Variants in AADACL4 observed in about 807,000 individuals in gnomAD.
AADACL4 encodes the protein arylacetamide deacetylase-like 4.
AADACL4 carries 9 observed loss-of-function variants against 14.1 expected under a neutral mutation model. That is an observed-to-expected ratio of 0.64 (90% CI 0.39 to 1.12). The LOEUF is 1.12. AADACL4 is among the 50% of genes most tolerant of loss of function. AADACL4 has a pLI of 0.01. For missense variants in AADACL4, 531 were observed against 516.1 expected (o/e 1.03, Z -0.28); for synonymous variants, 188 against 201.6 (o/e 0.93, Z 0.57).
At position 12,653,166 on chromosome 1, in the gene AADACL4, C is replaced by T. The variant is rs56051919; in HGVS notation, c.385+1827C>T. 9.5e-3 allele frequency among the ~76,000 whole-genome samples: 1,447 copies of T among 152,282 alleles called. 23 individuals carry two copies. The highest frequency in any genetic ancestry group is 0.033 in the African/African-American group (1,385 of 41,548). ...AGCCTATGGGTGACCCAAGGTGGGT[C>T]ATCAGGAGGATCTGAATCTGAGGCA... On this transcript the variant is annotated intron_variant, in intron 2 of 3. Transcript: ENST00000376221.
chr1:12,666,346 A>G lies in AADACL4; in HGVS notation c.835A>G (p.Arg279Gly). Residue 279 changes from arginine to glycine, a missense_variant, in exon 4 of 4, where the codon AGG becomes GGG. By Grantham distance (125) the Arg-to-Gly change is moderately radical. Coordinates refer to ENST00000376221, the MANE Select transcript of AADACL4 (RefSeq NM_001013630.2). ...NGTCVPPDVW[R>G]KYEKWLSPDN... ...CACTTGTGTACCCCCAGACGTCTGG[A>G]GGAAGTACGAGAAGTGGCTCAGCCC... 1 of 1,614,150 alleles carries G rather than the reference A, an allele frequency of 6.2e-7. No individual in the cohort carries two copies. The highest frequency in any genetic ancestry group is 8.5e-7 in the Non-Finnish European group (1 of 1,180,032).
intron 3 of AADACL4, among the ~76,000 whole-genome samples, chr1:12,665,718 G>C (rs558205592): frequency 1.1e-4 from 16 of 152,162 alleles, no homozygotes; most frequent in Non-Finnish European, 2.1e-4. Flanking sequence ...GCATCACCTC[G>C]TATAGAGTTT....
rs745484522 is a variant in AADACL4 at position 12,644,572 on chromosome 1, T to A, written c.26T>A (p.Leu9His). ...ATGGCTGTCCCCTGGCTAGTGCTAC[T>A]CTTGGCATTGCCCATCTTTTTCCTG... MAVPWLVL[L>H]LALPIFFLGV... Residue 9 changes from leucine to histidine, a missense_variant, in exon 1 of 4, where the codon CTC becomes CAC. By Grantham distance (99) the Leu-to-His change is moderately conservative. Coordinates refer to ENST00000376221, the MANE Select transcript of AADACL4 (RefSeq NM_001013630.2). 2 of 1,614,136 alleles carry A rather than the reference T, an allele frequency of 1.2e-6. No homozygotes were observed. Among genetic ancestry groups the A allele is most frequent in the Middle Eastern group, 1.7e-4 (1 of 6,052 alleles).
intron 1 of AADACL4, among the ~76,000 whole-genome samples, chr1:12,648,444 T>C (rs908746817): frequency 2.6e-5 from 4 of 151,616 alleles, no homozygotes; most frequent in Admixed American, 2.6e-4. Flanking sequence ...TCGCCCAGGC[T>C]GAAGTGCAGT....
intron 1 of AADACL4, among the ~76,000 whole-genome samples, chr1:12,645,741 G>A (rs1187422896): frequency 2.0e-5 from 3 of 151,968 alleles, no homozygotes; most frequent in Non-Finnish European, 1.5e-5. Context: ...ACAGGGTTTC[G>A]CTATGTTGCC....
In AADACL4 at chr1:12,644,738, C is replaced by T. The variant is rs137892305; in HGVS notation, c.168+24C>T. On this transcript the variant is annotated intron_variant, in intron 1 of 3. Transcript: ENST00000376221. ...TGGTGAGTTTACTCTCAGGCCACGT[C>T]GTAACCTGGGGGCTTCTTCTCTTGT... is the stretch of plus-strand genomic sequence containing the variant. 1,759 of 1,610,344 alleles carry T rather than the reference C, an allele frequency of 1.1e-3. 3 individuals are homozygous for T. The highest frequency in any genetic ancestry group is 1.6e-3 in the South Asian group (142 of 90,752).
chr1:12,656,745 T>G (rs1647180591), intron 2 of AADACL4, among the ~76,000 whole-genome samples: 1 of 152,146 alleles, frequency 6.6e-6, no homozygotes, highest in Non-Finnish European at 1.5e-5. Flanking sequence ...CAGGAAAAAG[T>G]CATAGTGCTC....
intron 3 of AADACL4, among the ~76,000 whole-genome samples, chr1:12,663,035 T>C (rs1050489497): frequency 9.2e-5 from 14 of 152,172 alleles, no homozygotes; most frequent in African/African-American, 3.1e-4. Context: ...CAGGGCAGTT[T>C]TGATAGAGTG....
rs1455884570 is a variant in AADACL4 at position 12,658,004 on chromosome 1, C to G, written c.386-3787C>G. 2.7e-5 allele frequency among the ~76,000 whole-genome samples: 4 copies of G among 145,540 alleles called. No homozygotes were observed. In the East Asian group the frequency reaches 7.8e-4, roughly 28 times the overall value. On this transcript the variant is annotated intron_variant, in intron 2 of 3. Transcript: ENST00000376221. ...TTGTCTTGCCTTCTCTTCTCCCCTTCTCTCTCTCTCTCTCTTTCTTTCTCT... is the reference window on the plus strand; with the variant it reads ...TTGTCTTGCCTTCTCTTCTCCCCTTGTCTCTCTCTCTCTCTTTCTTTCTCT...
At chr1:12,662,283 G>A (rs898887714) in intron 3 of AADACL4, among the ~76,000 whole-genome samples, 2 of 152,114 alleles carry the variant, frequency 1.3e-5, no homozygotes, top group East Asian at 1.9e-4. Context: ...ACACATAGAC[G>A]TAACAAGACA....
rs372031240 is a variant in AADACL4, at chr1:12,666,673, C to T, written c.1162C>T (p.Leu388Phe). The part of the protein sequence containing the change: ...GSIIFFDKKA[L>F]SFPCSLKIVN... ...CATTATCTTTTTTGATAAGAAGGCTCTCTCTTTCCCATGTTCCCTGAAGAT... is the reference window on the plus strand; with the variant it reads ...CATTATCTTTTTTGATAAGAAGGCTTTCTCTTTCCCATGTTCCCTGAAGAT... Residue 388 changes from leucine (L) to phenylalanine (F), a missense_variant, in exon 4 of 4, where the codon CTC becomes TTC. Leu to Phe is a conservative substitution (Grantham distance 22). Coordinates refer to ENST00000376221, the MANE Select transcript of AADACL4 (RefSeq NM_001013630.2). 2 of 1,613,890 alleles carry T rather than the reference C, an allele frequency of 1.2e-6. No individual in the cohort carries two copies. The highest frequency in any genetic ancestry group is 2.7e-5 in the African/African-American group (2 of 74,934).
chr1:12,665,298 C>T lies in AADACL4; in HGVS notation c.450-663C>T, dbSNP rs551180307. 1.5e-3 allele frequency among the ~76,000 whole-genome samples: 233 copies of T among 152,342 alleles called. 1 individual carries two copies. Among genetic ancestry groups the T allele is most frequent in the African/African-American group, 5.3e-3 (222 of 41,566 alleles). On this transcript the variant is annotated intron_variant, in intron 3 of 3. Coordinates refer to ENST00000376221, the MANE Select transcript of AADACL4 (RefSeq NM_001013630.2). ...AGTGCAGTGGCTCGATCTAGGCTCA[C>T]GGCAAGCTCTGCCTCCTGAGTTCAG...
chr1:12,654,476 T>C (rs752924827), intron 2 of AADACL4, among the ~76,000 whole-genome samples: 1 of 152,184 alleles, frequency 6.6e-6, no homozygotes, highest in Non-Finnish European at 1.5e-5. Context: ...CTTGAGACCT[T>C]ATTTCGGTGT....
At chr1:12,648,059 C>A (rs1249518038) in intron 1 of AADACL4, among the ~76,000 whole-genome samples, 2 of 152,134 alleles carry the variant, frequency 1.3e-5, no homozygotes, top group Non-Finnish European at 2.9e-5. Context: ...CAACCTCTGC[C>A]TCCCAGGTTC....
intron 2 of AADACL4, among the ~76,000 whole-genome samples, chr1:12,658,714 C>T (rs1647203489): frequency 6.9e-6 from 1 of 145,730 alleles, no homozygotes; most frequent in Non-Finnish European, 1.5e-5. Context: ...CCCCCGTGTA[C>T]ACCCCGTGCA....
intron 1 of AADACL4, among the ~76,000 whole-genome samples, chr1:12,646,397 A>T (rs1487178665): frequency 1.3e-5 from 2 of 152,170 alleles, no homozygotes; most frequent in Non-Finnish European, 2.9e-5. Context: ...AGTGTTCCCC[A>T]TGGGTTACAA....
chr1:12,652,310 C>T (rs765298569), intron 2 of AADACL4, among the ~76,000 whole-genome samples: 7 of 152,204 alleles, frequency 4.6e-5, no homozygotes, highest in Non-Finnish European at 8.8e-5. Context: ...TAAGCTCCTT[C>T]TCACCACCGT....
intron 2 of AADACL4, 28 bp downstream of exon 2, chr1:12,651,367 A>T: frequency 3.1e-6 from 5 of 1,610,010 alleles, no homozygotes; most frequent in Non-Finnish European, 4.2e-6. Context: ...GGCTTTGTAG[A>T]GGAAGGGCCT....
rs200615424 is a variant in AADACL4, at chr1:12,666,340, G to T, written c.829G>T (p.Val277Phe). 1 of 1,614,056 alleles carries T rather than the reference G, an allele frequency of 6.2e-7. No individual in the cohort carries two copies. Among genetic ancestry groups the T allele is most frequent in the African/African-American group, 1.3e-5 (1 of 74,938 alleles). ...ILNGTCVPPD[V>F]WRKYEKWLSP... ...GAACGGCACTTGTGTACCCCCAGAC[G>T]TCTGGAGGAAGTACGAGAAGTGGCT... The change falls in exon 4 of 4, where the codon GTC (valine) becomes TTC (phenylalanine). Residue 277 changes from valine (V) to phenylalanine (F), a missense_variant. Transcript: ENST00000376221.
Sources: allele counts gnomAD v4.1 joint callset (sites outside exome capture counted in the v4.1 genomes callset), GRCh38; gene constraint gnomAD v4.1.1; transcripts MANE v1.5; gene names NCBI Gene and HGNC (gene_info 2026-07-23, HGNC 2026-07-21).